NTRK2: variants seen among roughly 807,000 people sequenced by gnomAD.
The protein encoded by NTRK2 is neurotrophic receptor tyrosine kinase 2.
A neutral mutation model predicts 94.5 loss-of-function variants in NTRK2; 13 were observed. That is an observed-to-expected ratio of 0.14 (90% CI 0.09 to 0.22). The LOEUF is 0.22. NTRK2 is among the 10% of genes least tolerant of loss of function. The pLI is 1.00. For missense variants in NTRK2, 639 were observed against 1,071.2 expected, an observed-to-expected ratio of 0.60 and a Z score of 5.63; for synonymous variants, 372 against 407.4, an observed-to-expected ratio of 0.91 and a Z score of 1.05.
intron 12 of NTRK2, among the ~76,000 whole-genome samples, chr9:84,859,271 T>C (rs1236217994): frequency 3.3e-5 from 5 of 152,154 alleles, no homozygotes; most frequent in Non-Finnish European, 5.9e-5. Context: ...CAGCAATTCC[T>C]GTAAGGGGAA....
chr9:84,834,651 G>T (rs189483329), intron 12 of NTRK2, among the ~76,000 whole-genome samples: 1 of 152,170 alleles, frequency 6.6e-6, no homozygotes, highest in South Asian at 2.1e-4. Flanking sequence ...TTCCTGGCTC[G>T]GGTTACTACC....
intron 2 of NTRK2, among the ~76,000 whole-genome samples, chr9:84,679,401 G>A (rs183428104): frequency 6.6e-6 from 1 of 152,186 alleles, no homozygotes; most frequent in Non-Finnish European, 1.5e-5. Flanking sequence ...CTTTTTTCTG[G>A]TGGACGACCT....
intron 14 of NTRK2, among the ~76,000 whole-genome samples, chr9:84,920,810 T>C (rs558443023): frequency 6.6e-6 from 1 of 152,348 alleles, no homozygotes; most frequent in East Asian, 1.9e-4. Context: ...GAGGTGCTGC[T>C]GGAAGCATTA....
intron 12 of NTRK2, among the ~76,000 whole-genome samples, chr9:84,794,709 A>G (rs746354217): frequency 9.2e-5 from 14 of 152,178 alleles, no homozygotes; most frequent in Non-Finnish European, 1.6e-4. Context: ...AGGGGCATAT[A>G]GTCAAAGGAG....
intron 14 of NTRK2, among the ~76,000 whole-genome samples, chr9:84,881,500 G>A (rs1350404427): frequency 2.0e-5 from 3 of 152,208 alleles, no homozygotes. Flanking sequence ...GAACAAACAA[G>A]TGCTTTGGCA....
intron 2 of NTRK2, among the ~76,000 whole-genome samples, chr9:84,688,506 C>G (rs561910707): frequency 1.3e-5 from 2 of 152,252 alleles, no homozygotes; most frequent in African/African-American, 4.8e-5. Context: ...TCCTCCCCAT[C>G]AAGTTTTGTG....
At chr9:84,725,327 G>A (rs954932737) in intron 8 of NTRK2, among the ~76,000 whole-genome samples, 10 of 152,146 alleles carry the variant, frequency 6.6e-5, no homozygotes, top group Admixed American at 2.0e-4. Context: ...CAATCACTAT[G>A]CCCAGTGGGT....
intron 6 of NTRK2, among the ~76,000 whole-genome samples, chr9:84,720,145 T>C (rs2061969220): frequency 6.6e-6 from 1 of 151,296 alleles, no homozygotes; most frequent in African/African-American, 2.4e-5. Context: ...AAGTTGACAA[T>C]GGAGAAAGCC....
chr9:84,922,542 G>A (rs1398262928), intron 14 of NTRK2, among the ~76,000 whole-genome samples: 1 of 152,188 alleles, frequency 6.6e-6, no homozygotes, highest in African/African-American at 2.4e-5. Flanking sequence ...GGGCTTTGAA[G>A]CAATTCTGGC....
At chr9:84,949,293 A>C (rs1478916298) in intron 16 of NTRK2, among the ~76,000 whole-genome samples, 3 of 152,302 alleles carry the variant, frequency 2.0e-5, no homozygotes, top group Middle Eastern at 6.8e-3. Context: ...TCATGAAAAG[A>C]TGGACAGCTT....
rs866173599 is a variant in NTRK2 at position 84,797,552 on chromosome 9, T to C, written c.1396+45467T>C. On this transcript the variant is annotated intron_variant, in intron 12 of 18. Transcript: ENST00000277120. ...TAATAATGTATATATAATATATATA[T>C]TATATATACTATATATTATATATAT... Among the ~76,000 whole-genome samples the C allele has an allele frequency of 3.0e-3, 185 of 61,106 alleles. 13 individuals carry two copies. Among genetic ancestry groups the C allele is most frequent in the African/African-American group, 0.014 (167 of 12,368 alleles). The allele number at this position is 61,106 out of a possible 152,430, so 40.1% of individuals were successfully genotyped here. A position where few individuals can be genotyped will look rare whatever the true frequency, so the allele number is the denominator to read the frequency against.
intron 12 of NTRK2, among the ~76,000 whole-genome samples, chr9:84,804,095 A>G (rs565125807): frequency 2.0e-5 from 3 of 151,962 alleles, no homozygotes; most frequent in African/African-American, 7.2e-5. Context: ...CCTGATGAAA[A>G]AGTGTTGCTT....
intron 12 of NTRK2, among the ~76,000 whole-genome samples, chr9:84,795,879 A>G (rs2069260677): frequency 6.6e-6 from 1 of 152,006 alleles, no homozygotes; most frequent in Non-Finnish European, 1.5e-5. Context: ...GCAAGTATGT[A>G]ATATGGACCC....
intron 14 of NTRK2, among the ~76,000 whole-genome samples, chr9:84,891,935 A>G (rs1040620652): frequency 6.7e-6 from 1 of 149,622 alleles, no homozygotes; most frequent in Admixed American, 6.7e-5. Flanking sequence ...TTTTTTTTTT[A>G]AAGAGGTGAA....
rs535083500 is a variant in NTRK2, at chr9:84,808,025, C to T, written c.1397-53015C>T. 8.5e-5 allele frequency among the ~76,000 whole-genome samples: 13 copies of T among 152,246 alleles called. No homozygotes were observed. The East Asian group carries it at 9.6e-4, about 11-fold the overall frequency. ...AAAAATGCCGTATGTGTTTTTATGG[C>T]GGCTTCACTTGTTTTTATTGCATGG... On this transcript the variant is annotated intron_variant, in intron 12 of 18. Transcript: ENST00000277120.
intron 14 of NTRK2, among the ~76,000 whole-genome samples, chr9:84,915,253 A>G (rs923816287): frequency 1.3e-5 from 2 of 152,052 alleles, no homozygotes; most frequent in South Asian, 2.1e-4. Flanking sequence ...GGCTTAGTGT[A>G]TGTTACTCTA....
At chr9:84,697,743 C>T (rs1375799510) in intron 2 of NTRK2, among the ~76,000 whole-genome samples, 2 of 152,206 alleles carry the variant, frequency 1.3e-5, no homozygotes, top group African/African-American at 2.4e-5. Context: ...TCTTCTGTTT[C>T]CATGCGGAGG....
intron 12 of NTRK2, among the ~76,000 whole-genome samples, chr9:84,757,384 A>G (rs1425050958): frequency 1.3e-5 from 2 of 152,224 alleles, no homozygotes; most frequent in African/African-American, 2.4e-5. Flanking sequence ...TTGATTCCAT[A>G]AGGAAATTAT....
At chr9:85,012,245 C>T (rs530942540) in intron 17 of NTRK2, among the ~76,000 whole-genome samples, 1 of 152,130 alleles carries the variant, frequency 6.6e-6, no homozygotes, top group African/African-American at 2.4e-5. Flanking sequence ...CCTTTGCCTC[C>T]CATAGTGCTG....
Sources: gnomAD v4.1 joint callset for allele counts (sites outside exome capture counted in the v4.1 genomes callset) on GRCh38, gnomAD v4.1.1 for gene constraint, MANE v1.5 for transcripts, NCBI Gene and HGNC (gene_info 2026-07-23, HGNC 2026-07-21) for gene names.